SRGAP3: variants seen among roughly 807,000 people sequenced by gnomAD.
The protein encoded by SRGAP3 is SLIT-ROBO Rho GTPase-activating protein 3.
Under a neutral mutation model 121.1 loss-of-function variants are expected in SRGAP3, and 39 were observed. The observed-to-expected ratio is 0.32, with a 90% CI of 0.25 to 0.42. SRGAP3 has a LOEUF of 0.42. SRGAP3 is among the 10% of genes least tolerant of loss of function. The probability of loss-of-function intolerance (pLI) is 1.00; values close to 1 mark genes in which losing one functional copy is unlikely to be tolerated. For synonymous variants in SRGAP3, 601 were observed against 570.0 expected (o/e 1.05, Z -0.77); for missense variants, 1,213 against 1,470.6 (o/e 0.82, Z 2.86).
chr3:9,259,056 C>G (rs1384489033), intron 3 of SRGAP3, among the ~76,000 whole-genome samples: 1 of 152,232 alleles, frequency 6.6e-6, no homozygotes, highest in African/African-American at 2.4e-5. Context: ...TTGCTCCCTA[C>G]TCCGGGCCAT....
intron 3 of SRGAP3, among the ~76,000 whole-genome samples, chr3:9,300,539 T>A (rs1419805952): frequency 6.6e-6 from 1 of 152,024 alleles, no homozygotes; most frequent in Non-Finnish European, 1.5e-5. Flanking sequence ...TCAGCTAGAC[T>A]CTGAATTGTT....
At chr3:9,226,043 T>C (rs1574902837) in intron 1 of SRGAP3, among the ~76,000 whole-genome samples, 2 of 152,310 alleles carry the variant, frequency 1.3e-5, no homozygotes, top group South Asian at 4.1e-4. Flanking sequence ...GCTGTCAGTC[T>C]GCAAGCTCTG....
chr3:9,020,481 C>T (rs1420214570), intron 14 of SRGAP3, among the ~76,000 whole-genome samples: 1 of 152,158 alleles, frequency 6.6e-6, no homozygotes. Flanking sequence ...AGCTGTTTCC[C>T]TATTAGCTCC....
chr3:8,985,406 C>T lies in SRGAP3; in HGVS notation c.*113G>A, dbSNP rs879685288. 2.4e-5 allele frequency: 37 copies of T among 1,527,636 alleles called. No individual in the cohort carries two copies. The highest frequency in any genetic ancestry group is 2.0e-4 in the South Asian group (16 of 80,388). 94.6% of individuals were successfully genotyped at this position (1,527,636 alleles called of 1,614,324 possible). On this transcript the variant is annotated 3_prime_UTR_variant, in exon 22 of 22. Coordinates refer to ENST00000383836, the MANE Select transcript of SRGAP3 (RefSeq NM_014850.4). The surrounding 1 kb of genome is among the most constrained non-coding windows in gnomAD (Gnocchi z 5.1). The stretch of plus-strand genomic sequence containing the variant: ...CTCTGCACAGACACACCCTCCCAGA[C>T]GGACCTCTGCCCTCCAAGGCCAGGG...
chr3:9,210,711 TC>T, intron 1 of SRGAP3, among the ~76,000 whole-genome samples: 1 of 151,680 alleles, frequency 6.6e-6, no homozygotes, highest in East Asian at 2.0e-4. Context: ...ATGCCTATAG[TC>T]CCAACTACTT....
In SRGAP3 at chr3:9,170,972, C is replaced by T. The variant is rs375413872; in HGVS notation, c.68-46055G>A. 2.0e-5 allele frequency among the ~76,000 whole-genome samples: 3 copies of T among 152,358 alleles called. No individual in the cohort carries two copies. The East Asian group carries it at 5.8e-4, about 29-fold the overall frequency. ...GATTCAGGCCTGTTCTGTCCCTCAG[C>T]AGCAGGACAGCGCACGCATCTGAGG... On this transcript the variant is annotated intron_variant, in intron 1 of 21. Transcript: ENST00000383836.
intron 1 of SRGAP3, among the ~76,000 whole-genome samples, chr3:9,333,007 G>A (rs772884253): frequency 8.5e-5 from 13 of 152,062 alleles, no homozygotes; most frequent in African/African-American, 2.2e-4. Context: ...AACAACATTC[G>A]CAACCACAAT....
intron 1 of SRGAP3, 115 bp from the exon 2 acceptor site, chr3:9,125,032 C>T: frequency 8.2e-7 from 1 of 1,218,052 alleles, no homozygotes; most frequent in Non-Finnish European, 1.2e-6. Flanking sequence ...TAACACCATC[C>T]AGAGCCTCTC....
intron 1 of SRGAP3, chr3:9,216,892 T>C (rs1952655690): frequency 6.6e-6 from 1 of 152,100 alleles, no homozygotes; most frequent in African/African-American, 2.4e-5. Flanking sequence ...AGCATTACGC[T>C]AACTAAACTA....
At chr3:8,986,308 C>A (rs1941704100) in intron 21 of SRGAP3, among the ~76,000 whole-genome samples, 1 of 152,132 alleles carries the variant, frequency 6.6e-6, no homozygotes, top group Non-Finnish European at 1.5e-5. Flanking sequence ...ATAATATGGA[C>A]CTCAGGGAGT....
intron 21 of SRGAP3, 99 bp from the exon 22 acceptor site, chr3:8,986,031 A>G (rs1161821825): frequency 1.3e-6 from 2 of 1,576,282 alleles, no homozygotes; most frequent in Non-Finnish European, 1.7e-6. Flanking sequence ...GGTTCCCCAG[A>G]AGCCTCGCGG....
At chr3:9,247,356 G>T (rs1953860574) in intron 1 of SRGAP3, among the ~76,000 whole-genome samples, 1 of 152,178 alleles carries the variant, frequency 6.6e-6, no homozygotes, top group South Asian at 2.1e-4. Flanking sequence ...ACCAAAGACA[G>T]GAGACCAGGG....
intron 18 of SRGAP3, 55 bp downstream of exon 18, chr3:9,010,253 T>A (rs1180073399): frequency 6.2e-7 from 1 of 1,603,124 alleles, no homozygotes; most frequent in African/African-American, 1.3e-5. Context: ...CTGACAAAAG[T>A]CAGTGTGAGA....
chr3:9,334,541 A>C (rs904322793), intron 1 of SRGAP3, among the ~76,000 whole-genome samples: 9 of 152,242 alleles, frequency 5.9e-5, no homozygotes, highest in Admixed American at 5.9e-4. Flanking sequence ...GTGGGTAATA[A>C]CATGAGTAAT....
chr3:9,063,667 T>A (rs1211385380), intron 5 of SRGAP3, among the ~76,000 whole-genome samples: 1 of 152,182 alleles, frequency 6.6e-6, no homozygotes, highest in African/African-American at 2.4e-5. Context: ...CTAAATCTGT[T>A]TCGAGTTTCA....
At chr3:9,168,912 G>A (rs981791770) in intron 1 of SRGAP3, among the ~76,000 whole-genome samples, 2 of 152,316 alleles carry the variant, frequency 1.3e-5, no homozygotes, top group South Asian at 4.1e-4. Flanking sequence ...CAGACCCTGT[G>A]GTGCCTCTCC....
intron 21 of SRGAP3, among the ~76,000 whole-genome samples, chr3:8,986,794 C>T (rs1191023816): frequency 2.6e-5 from 4 of 152,126 alleles, no homozygotes; most frequent in Non-Finnish European, 5.9e-5. Context: ...ACATAATTCC[C>T]GAGGATGTTA....
Position 8,983,947 on chromosome 3 carries a change from G to A in SRGAP3, c.*1572C>T, listed in dbSNP as rs976401568. The A allele has an allele frequency of 2.6e-5, 6 of 229,398 alleles. No individual in the cohort carries two copies. Among genetic ancestry groups the A allele is most frequent in the African/African-American group, 1.3e-4 (6 of 45,114 alleles). 14.2% of individuals were successfully genotyped at this position (229,398 alleles called of 1,614,324 possible). A position where few individuals can be genotyped will look rare whatever the true frequency, so the allele number is the denominator to read the frequency against. On this transcript the variant is annotated 3_prime_UTR_variant, in exon 22 of 22. Transcript: ENST00000383836. ...CAGTAGGGAAAAGCCCCTGGGTCTC[G>A]CAGGAGAGGGTAAGTAACAGCGGCC... is the stretch of plus-strand genomic sequence containing the variant.
chr3:9,046,869 C>T (rs535164486), intron 10 of SRGAP3, among the ~76,000 whole-genome samples: 14 of 150,928 alleles, frequency 9.3e-5, no homozygotes, highest in Admixed American at 6.6e-5. Context: ...CTCGCTCTGT[C>T]GCCCAGGCTG....
Sources: allele counts gnomAD v4.1 joint callset (sites outside exome capture counted in the v4.1 genomes callset), GRCh38; gene constraint gnomAD v4.1.1; non-coding constraint Gnocchi (gnomAD v3.1); transcripts MANE v1.5; gene names NCBI Gene and HGNC (gene_info 2026-07-23, HGNC 2026-07-21).